Variants in NSUN6 observed in about 807,000 individuals in gnomAD.
NSUN6 encodes the protein tRNA (cytosine(72)-C(5))-methyltransferase NSUN6.
A neutral mutation model predicts 58.0 loss-of-function variants in NSUN6; 64 were observed. That is an observed-to-expected ratio of 1.10 (90% CI 0.90 to 1.36). The LOEUF (loss-of-function observed/expected upper bound fraction) is 1.36, where lower values mean the gene tolerates loss of function less well. Ranked by LOEUF, NSUN6 falls within the 40% of genes most tolerant of loss-of-function variation. NSUN6 has a pLI of 0.00. For missense variants in NSUN6, 701 were observed against 550.1 expected, an observed-to-expected ratio of 1.27 and a Z score of -2.74; for synonymous variants, 231 against 193.9, an observed-to-expected ratio of 1.19 and a Z score of -1.59.
In NSUN6 at chr10:18,548,152, C is replaced by T. The variant is rs1404029598; in HGVS notation, c.1157G>A (p.Trp386Ter). 7.4e-6 allele frequency: 12 copies of T among 1,613,824 alleles called. No individual in the cohort carries two copies. The highest frequency in any genetic ancestry group is 1.0e-5 in the Non-Finnish European group (12 of 1,179,868). The change falls in exon 10 of 11, where the codon TGG becomes TAG. Residue 386 changes from tryptophan to a stop codon, truncating the protein, a stop_gained. Coordinates refer to ENST00000377304, the MANE Select transcript of NSUN6 (RefSeq NM_182543.5). LOFTEE classifies it high-confidence loss of function. Reference sequence around the variant, plus strand: ...AAGGCAAGGAAATTTTGTCAGGGCCCAGGCAACCTGTTCTTCATTTTCGGC... The same window carrying T: ...AAGGCAAGGAAATTTTGTCAGGGCCTAGGCAACCTGTTCTTCATTTTCGGC... ...TLAENEEQVA[W>*]ALTKFPCLQL...
chr10:18,626,142 G>C (rs904835448), intron 3 of NSUN6, among the ~76,000 whole-genome samples: 1 of 151,610 alleles, frequency 6.6e-6, no homozygotes, highest in Non-Finnish European at 1.5e-5. Context: ...TAAGAAATGA[G>C]AAATAAACTG....
At position 18,631,841 on chromosome 10, in the gene NSUN6, G is replaced by A. The variant is rs377124652; in HGVS notation, c.311+10635C>T. ...ATGGCCATACTGCCCAAGGTAATTTGTAGATTCAATGCCATCCCCATCAAG... is the reference window on the plus strand; with the variant it reads ...ATGGCCATACTGCCCAAGGTAATTTATAGATTCAATGCCATCCCCATCAAG... On this transcript the variant is annotated intron_variant, in intron 3 of 10. Coordinates refer to ENST00000377304, the MANE Select transcript of NSUN6 (RefSeq NM_182543.5). 9.9e-5 allele frequency among the ~76,000 whole-genome samples: 15 copies of A among 152,226 alleles called. No homozygotes were observed. The South Asian group carries it at 1.5e-3, about 15-fold the overall frequency.
At chr10:18,551,244 T>TTGTGTGTGTGTGTGTGTGTGTGTG (rs35396134) in intron 9 of NSUN6, among the ~76,000 whole-genome samples, 25 of 127,170 alleles carry the variant, frequency 2.0e-4, no homozygotes, top group Admixed American at 8.2e-4. Flanking sequence ...GTCCTCTCAG[T>TTGTGTGTGTGTGTGTGTGTGTGTG]TGTGTGTGTG....
At chr10:18,564,671 TTC>T (rs1417652745) in intron 8 of NSUN6, among the ~76,000 whole-genome samples, 4 of 150,960 alleles carry the variant, frequency 2.6e-5, no homozygotes, top group African/African-American at 9.7e-5. Context: ...CTCCATTGCA[TTC>T]TGTTCTCCAT....
intron 6 of NSUN6, among the ~76,000 whole-genome samples, chr10:18,598,761 T>A (rs2057693833): frequency 6.6e-6 from 1 of 152,140 alleles, no homozygotes; most frequent in Admixed American, 6.6e-5. Context: ...CCAGTATACC[T>A]GGCAGCAAGT....
intron 3 of NSUN6, among the ~76,000 whole-genome samples, chr10:18,622,374 G>A (rs528643455): frequency 1.3e-5 from 2 of 152,260 alleles, no homozygotes; most frequent in South Asian, 2.1e-4. Context: ...AGAACCATGA[G>A]AAACAATCTA....
rs1445039281 is a variant in NSUN6, at chr10:18,551,869, T to C, written c.1025A>G (p.Lys342Arg). Residue 342 changes from lysine to arginine, a missense_variant, in exon 9 of 11, where the codon AAG becomes AGG. By Grantham distance (26) the Lys-to-Arg change is conservative. Transcript: ENST00000377304. ...TAATGGCTGATATGATGCCACTTCC[T>C]TCACAGACCAAGTACAGGCCATGTT... is the stretch of plus-strand genomic sequence containing the variant. ...RPNMACTWSVKEVASYQPLQR... is the reference protein window; with the variant it reads ...RPNMACTWSVREVASYQPLQR... 3 of 1,613,596 alleles carry C rather than the reference T, an allele frequency of 1.9e-6. No homozygotes were observed. The East Asian group carries it at 6.7e-5, about 36-fold the overall frequency.
At chr10:18,556,718 T>A (rs566436145) in intron 8 of NSUN6, among the ~76,000 whole-genome samples, 2 of 142,580 alleles carry the variant, frequency 1.4e-5, no homozygotes, top group African/African-American at 2.5e-5. Flanking sequence ...GGGAATGGAA[T>A]GGAGAATGGA....
chr10:18,651,075 G>A, intron 1 of NSUN6, 54 bp downstream of exon 1: 1 of 1,568,590 alleles, frequency 6.4e-7, no homozygotes, highest in Non-Finnish European at 8.6e-7. Flanking sequence ...TCTCTCGAGT[G>A]TGCGAATATT....
chr10:18,632,051 A>G (rs1350154734), intron 3 of NSUN6, among the ~76,000 whole-genome samples: 2 of 150,574 alleles, frequency 1.3e-5, no homozygotes, highest in Admixed American at 6.6e-5. Context: ...TGGTACCAAA[A>G]CAGAGATATA....
Position 18,558,799 on chromosome 10 carries a change from CAATGGAATGGAAGGGAGAATGGAATGAAA to C in NSUN6, c.923-6857_923-6829del, listed in dbSNP as rs1250458727. ...GGAATGGAATTGAGAATGGAATGGACAATGGAATGGAAGGGAGAATGGAATGAAAAATGGAAAAGAATGGAATGGAGAAT... is the reference window on the plus strand; with the variant it reads ...GGAATGGAATTGAGAATGGAATGGACAATGGAAAAGAATGGAATGGAGAAT... On this transcript the variant is annotated intron_variant, in intron 8 of 10. Coordinates refer to ENST00000377304, the MANE Select transcript of NSUN6 (RefSeq NM_182543.5). Among the ~76,000 whole-genome samples the C allele has an allele frequency of 4.0e-3, 557 of 138,484 alleles. 5 individuals carry two copies. Among genetic ancestry groups the C allele is most frequent in the African/African-American group, 0.014 (530 of 37,446 alleles). 90.9% of individuals were successfully genotyped at this position (138,484 alleles called of 152,430 possible).
chr10:18,546,077 C>T lies in NSUN6; in HGVS notation c.1266G>A (p.Gln422=), dbSNP rs1447731055. 3 of 1,610,140 alleles carry T rather than the reference C, an allele frequency of 1.9e-6. No homozygotes were observed. Among genetic ancestry groups the T allele is most frequent in the East Asian group, 2.2e-5 (1 of 44,868 alleles). ...ATGGCACAGCCGATGGATCAAATCG[C>T]TGCAGCTGTTTCAACTGTTCACATG... ...GLSCEQLKQL[Q]RFDPSAVPLP... Residue 422 remains glutamine (Q), a synonymous_variant, in exon 11 of 11, where the codon CAG becomes CAA. Transcript: ENST00000377304.
At chr10:18,618,612 G>A (rs145219574) in intron 3 of NSUN6, among the ~76,000 whole-genome samples, 18,175 of 150,868 alleles carry the variant, frequency 0.12, 1,366 homozygotes, top group Middle Eastern at 0.23. Context: ...AACCCAGGAG[G>A]TGGAGGTTGC....
upstream of NSUN6, chr10:18,658,751 C>T (rs2059805498): frequency 3.7e-6 from 2 of 547,464 alleles, no homozygotes; most frequent in African/African-American, 4.1e-5. Flanking sequence ...GCCTGCAATC[C>T]CACCACTTTG....
intron 6 of NSUN6, among the ~76,000 whole-genome samples, chr10:18,600,694 G>A (rs796727473): frequency 6.6e-6 from 1 of 151,754 alleles, no homozygotes; most frequent in Non-Finnish European, 1.5e-5. Flanking sequence ...TTGGGAGGCT[G>A]AGGCAGGTGG....
At chr10:18,555,351 G>A (rs903328665) in intron 8 of NSUN6, among the ~76,000 whole-genome samples, 1 of 151,288 alleles carries the variant, frequency 6.6e-6, no homozygotes, top group African/African-American at 2.4e-5. Flanking sequence ...GAATGGAATG[G>A]TATGGAGAAT....
chr10:18,611,664 C>T (rs6482565), intron 5 of NSUN6, among the ~76,000 whole-genome samples: 18 of 152,004 alleles, frequency 1.2e-4, no homozygotes, highest in Non-Finnish European at 1.9e-4. Flanking sequence ...CCAGTAGCTG[C>T]GACTACAGGC....
At chr10:18,555,116 A>G (rs10828914) in intron 8 of NSUN6, among the ~76,000 whole-genome samples, 117,432 of 150,592 alleles carry the variant, frequency 0.78, 45,850 homozygotes, top group East Asian at 0.98. Flanking sequence ...GAATGGCATG[A>G]AAGGAAATGG....
upstream of NSUN6, among the ~76,000 whole-genome samples, chr10:18,658,052 A>G (rs1391202037): frequency 6.6e-6 from 1 of 152,188 alleles, no homozygotes; most frequent in Non-Finnish European, 1.5e-5. Context: ...TACGGAATCT[A>G]AAGTTTGTTT....
Sources: gnomAD v4.1 joint callset for allele counts (sites outside exome capture counted in the v4.1 genomes callset) on GRCh38, gnomAD v4.1.1 for gene constraint, MANE v1.5 for transcripts, NCBI Gene and HGNC (gene_info 2026-07-23, HGNC 2026-07-21) for gene names.